CNDP1: variants seen among roughly 807,000 people sequenced by gnomAD.
CNDP1 encodes carnosine dipeptidase 1.
CNDP1 carries 44 observed loss-of-function variants against 58.1 expected under a neutral mutation model. The ratio of observed to expected loss-of-function variants is 0.76; its 90% CI spans 0.60 to 0.97. The LOEUF is 0.97. Ranked by LOEUF, CNDP1 falls within the 50% of genes least tolerant of loss-of-function variation. The pLI is 0.00. For synonymous variants in CNDP1, 254 were observed against 252.6 expected, an observed-to-expected ratio of 1.01 and a Z score of -0.05; for missense variants, 616 against 655.1, an observed-to-expected ratio of 0.94 and a Z score of 0.65.
intron 9 of CNDP1, among the ~76,000 whole-genome samples, chr18:74,578,701 T>C (rs973182622): frequency 2.0e-4 from 30 of 152,110 alleles, no homozygotes; most frequent in African/African-American, 6.5e-4. Flanking sequence ...TAAATAACCA[T>C]TTGAAACTAG....
chr18:74,558,392 CTTTTTTTTTTT>C (rs71168498), intron 2 of CNDP1, among the ~76,000 whole-genome samples: 1 of 114,312 alleles, frequency 8.7e-6, no homozygotes, highest in South Asian at 2.8e-4. Flanking sequence ...CTTTCTTTTT[CTTTTTTTTTTT>C]TTTTTTTTTG....
chr18:74,542,844 T>A (rs17817095), intron 1 of CNDP1, among the ~76,000 whole-genome samples: 3 of 152,106 alleles, frequency 2.0e-5, no homozygotes, highest in Non-Finnish European at 4.4e-5. Context: ...TTGAGAACTG[T>A]AAGCCACCAG....
chr18:74,566,815 T>A (rs974099454), intron 5 of CNDP1, among the ~76,000 whole-genome samples: 2 of 152,216 alleles, frequency 1.3e-5, no homozygotes, highest in Non-Finnish European at 2.9e-5. Context: ...TTGGGTATCT[T>A]TTCAGCAACA....
rs1273491186 is a variant in CNDP1, at chr18:74,585,296, C to T, written c.*734C>T. 2.0e-5 allele frequency: 3 copies of T among 152,130 alleles called. No homozygotes were observed. Among genetic ancestry groups the T allele is most frequent in the Non-Finnish European group, 2.9e-5 (2 of 68,064 alleles). The allele number at this position is 152,130 out of a possible 1,614,324, so 9.4% of individuals were successfully genotyped here. On this transcript the variant is annotated 3_prime_UTR_variant, in exon 12 of 12. Transcript: ENST00000358821. ...TCTTCCTGTCCCATCAGAAAAGGCC[C>T]ACTCTCTCTCTATCCAACATCTGTG...
intron 1 of CNDP1, among the ~76,000 whole-genome samples, chr18:74,535,107 C>T (rs1377170925): frequency 6.6e-6 from 1 of 152,180 alleles, no homozygotes; most frequent in African/African-American, 2.4e-5. Context: ...GGCTAGTTTG[C>T]AAGAGCTAAT....
chr18:74,582,692 G>A (rs1391687074), intron 10 of CNDP1, among the ~76,000 whole-genome samples: 1 of 152,112 alleles, frequency 6.6e-6, no homozygotes, highest in East Asian at 1.9e-4. Context: ...TGAAAGACAA[G>A]GAAATACTGA....
Position 74,559,335 on chromosome 18 carries a change from T to A in CNDP1, c.166T>A (p.Trp56Arg). 6.2e-7 allele frequency: 1 copy of A among 1,613,468 alleles called. No individual in the cohort carries two copies. Among genetic ancestry groups the A allele is most frequent in the Non-Finnish European group, 8.5e-7 (1 of 1,179,840 alleles). Residue 56 changes from tryptophan (W) to arginine (R), a missense_variant, in exon 3 of 12, where the codon TGG (tryptophan) becomes AGG (arginine). Transcript: ENST00000358821. The stretch of plus-strand genomic sequence containing the variant: ...CTCTTCCTCCTAGACGCTGAAGGAG[T>A]GGGTGGCCATCGAGAGCGACTCTGT... ...QDEFVQTLKEWVAIESDSVQP... is the reference protein window; with the variant it reads ...QDEFVQTLKERVAIESDSVQP...
At chr18:74,536,410 A>G (rs370837681) in intron 1 of CNDP1, among the ~76,000 whole-genome samples, 1 of 152,196 alleles carries the variant, frequency 6.6e-6, no homozygotes. Context: ...CTGTTCCTGC[A>G]TTAGTTTGCT....
intron 8 of CNDP1, 87 bp from the exon 9 acceptor site, chr18:74,578,076 T>C (rs578018373): frequency 1.6e-6 from 2 of 1,233,090 alleles, no homozygotes; most frequent in Admixed American, 2.2e-5. Context: ...GAATGGTGTC[T>C]CAGAGAGGCA....
At chr18:74,557,194 A>T (rs1399070680) in intron 2 of CNDP1, among the ~76,000 whole-genome samples, 3 of 151,266 alleles carry the variant, frequency 2.0e-5, no homozygotes, top group Non-Finnish European at 4.4e-5. Flanking sequence ...CTGGGATTGC[A>T]GGTGTGAGCC....
chr18:74,566,247 C>G (rs570911776), intron 5 of CNDP1, among the ~76,000 whole-genome samples: 1 of 152,362 alleles, frequency 6.6e-6, no homozygotes, highest in South Asian at 2.1e-4. Context: ...CCGTGAAGGT[C>G]TCTGACATGA....
Position 74,586,215 on chromosome 18 carries a change from C to CAGTT in CNDP1, c.*1657_*1660dup, listed in dbSNP as rs1468284713. ...AGTTGTGGGCATTTGTGAAGGATTCCAGTTAGTGTTTTCTTTGGAAGCAGG... is the reference window on the plus strand; with the variant it reads ...AGTTGTGGGCATTTGTGAAGGATTCCAGTTAGTTAGTGTTTTCTTTGGAAGCAGG... On this transcript the variant is annotated 3_prime_UTR_variant, in exon 12 of 12. Coordinates refer to ENST00000358821, the MANE Select transcript of CNDP1 (RefSeq NM_032649.6). 6.6e-6 allele frequency: 1 copy of CAGTT among 152,100 alleles called. No individual in the cohort carries two copies. Among genetic ancestry groups the CAGTT allele is most frequent in the Non-Finnish European group, 1.5e-5 (1 of 68,030 alleles). The allele number at this position is 152,100 out of a possible 1,614,324, so 9.4% of individuals were successfully genotyped here.
At chr18:74,543,101 G>A (rs776088993) in intron 1 of CNDP1, among the ~76,000 whole-genome samples, 3 of 152,224 alleles carry the variant, frequency 2.0e-5, no homozygotes, top group South Asian at 2.1e-4. Context: ...GGATGCAAAC[G>A]AAGTATGTTT....
intron 10 of CNDP1, among the ~76,000 whole-genome samples, chr18:74,581,737 C>T (rs1260763121): frequency 1.3e-5 from 2 of 152,162 alleles, no homozygotes; most frequent in Non-Finnish European, 2.9e-5. Context: ...GCAGGGACAC[C>T]CAGTCTTTTT....
intron 11 of CNDP1, 135 bp downstream of exon 11, chr18:74,583,843 A>C (rs1347561903): frequency 1.2e-6 from 1 of 867,372 alleles, no homozygotes; most frequent in African/African-American, 1.7e-5. Flanking sequence ...AAGAACAGAC[A>C]TTCATTCCTC....
chr18:74,567,094 A>C (rs201890816), intron 5 of CNDP1, 139 bp from the exon 6 acceptor site: 3 of 668,972 alleles, frequency 4.5e-6, no homozygotes, highest in African/African-American at 1.8e-5. Flanking sequence ...ACTGGCCCCC[A>C]TGATTCAATT....
chr18:74,559,263 T>TC (rs1305765665), intron 2 of CNDP1, 60 bp from the exon 3 acceptor site: 7 of 1,576,850 alleles, frequency 4.4e-6, no homozygotes, highest in Admixed American at 3.4e-5. Flanking sequence ...CTCCCTTCGC[T>TC]CCCCCCGCAG....
intron 1 of CNDP1, among the ~76,000 whole-genome samples, chr18:74,535,580 CT>C (rs10685765): frequency 9.4e-6 from 1 of 106,394 alleles, no homozygotes; most frequent in African/African-American, 3.4e-5. Flanking sequence ...CCATTGCTGA[CT>C]TTTTTTTTTT....
chr18:74,535,652 G>A (rs1371318614), intron 1 of CNDP1, among the ~76,000 whole-genome samples: 3 of 148,722 alleles, frequency 2.0e-5, no homozygotes, highest in Non-Finnish European at 4.4e-5. Context: ...ACATTTCACT[G>A]AATACTGTCT....
Sources: gnomAD v4.1 joint callset for allele counts (sites outside exome capture counted in the v4.1 genomes callset) on GRCh38, gnomAD v4.1.1 for gene constraint, MANE v1.5 for transcripts, NCBI Gene and HGNC (gene_info 2026-07-23, HGNC 2026-07-21) for gene names.